Variants in PLCB1 observed in about 807,000 individuals in gnomAD.
PLCB1 encodes the protein 1-phosphatidylinositol 4,5-bisphosphate phosphodiesterase beta-1.
In PLCB1, 46 loss-of-function variants were observed where a neutral mutation model predicts 161.8. The ratio of observed to expected loss-of-function variants is 0.28; its 90% CI spans 0.22 to 0.36. The LOEUF is 0.36. Ranked by LOEUF, PLCB1 falls within the 10% of genes least tolerant of loss-of-function variation. PLCB1 has a pLI of 1.00. For missense variants in PLCB1, 1,016 were observed against 1,472.5 expected (o/e 0.69, Z 5.07); for synonymous variants, 517 against 503.7 (o/e 1.03, Z -0.35).
chr20:8,685,152 G>A (rs1174918212), intron 10 of PLCB1, 74 bp downstream of exon 10: 23 of 1,393,006 alleles, frequency 1.7e-5, no homozygotes, highest in East Asian at 1.4e-4. Context: ...TCTGTTGTTC[G>A]GAAGCTGAAG....
At chr20:8,478,486 A>T (rs1427694178) in intron 3 of PLCB1, among the ~76,000 whole-genome samples, 4 of 152,166 alleles carry the variant, frequency 2.6e-5, no homozygotes, top group Non-Finnish European at 5.9e-5. Context: ...GCTTCAACAA[A>T]AGCAAAATAT....
chr20:8,472,522 T>G (rs867533179), intron 3 of PLCB1, among the ~76,000 whole-genome samples: 1 of 152,104 alleles, frequency 6.6e-6, no homozygotes. Context: ...ATACCATTAC[T>G]TTATAGAACA....
chr20:8,473,906 G>A (rs1982160161), intron 3 of PLCB1, among the ~76,000 whole-genome samples: 1 of 152,148 alleles, frequency 6.6e-6, no homozygotes, highest in Non-Finnish European at 1.5e-5. Flanking sequence ...TGGGAATATG[G>A]TGCATTATCT....
Position 8,729,173 on chromosome 20 carries a change from G to A in PLCB1, c.1887G>A (p.Met629Ile). The change falls in exon 18 of 32, where the codon ATG (methionine) becomes ATA (isoleucine). Residue 629 changes from methionine (M) to isoleucine (I), a missense_variant and splice_region_variant. Transcript: ENST00000338037. ...CQMVALNFQT[M>I]DLAMQINMGM... Reference sequence around the variant, plus strand: ...TGGTGGCACTTAATTTCCAGACAATGGGTAAGTACATGCTTGTTCCCATTC... The same window carrying A: ...TGGTGGCACTTAATTTCCAGACAATAGGTAAGTACATGCTTGTTCCCATTC... 1 of 1,611,340 alleles carries A rather than the reference G, an allele frequency of 6.2e-7. No individual in the cohort carries two copies. Among genetic ancestry groups the A allele is most frequent in the Non-Finnish European group, 8.5e-7 (1 of 1,178,298 alleles).
chr20:8,632,034 GCTTT>G (rs1393679357), intron 4 of PLCB1, among the ~76,000 whole-genome samples: 66 of 81,746 alleles, frequency 8.1e-4, no homozygotes, highest in African/African-American at 1.3e-3. Context: ...GGTTTTTTTT[GCTTT>G]TTTTTTTTTT....
rs1466798040 is a variant in PLCB1 at position 8,717,860 on chromosome 20, G to T, written c.1513+12G>T. ...ATCCCCAGGAGCCGGTGAGGGGCTG[G>T]TGGGCTCTCCCCGTCATGTTTTGTG... On this transcript the variant is annotated intron_variant, in intron 14 of 31. Transcript: ENST00000338037. 2 of 1,600,204 alleles carry T rather than the reference G, an allele frequency of 1.2e-6. No individual in the cohort carries two copies. Among genetic ancestry groups the T allele is most frequent in the African/African-American group, 2.7e-5 (2 of 73,912 alleles).
intron 2 of PLCB1, among the ~76,000 whole-genome samples, chr20:8,368,442 A>G (rs1345279828): frequency 6.7e-6 from 1 of 148,700 alleles, no homozygotes; most frequent in African/African-American, 2.5e-5. Context: ...CACGAGAATC[A>G]CTTGAACCCG....
At chr20:8,557,511 G>A (rs756753511) in intron 3 of PLCB1, among the ~76,000 whole-genome samples, 174 of 152,114 alleles carry the variant, frequency 1.1e-3, no homozygotes, top group Non-Finnish European at 2.2e-3. Flanking sequence ...TATAGAGGCA[G>A]AGTGGCAGTT....
chr20:8,263,727 G>A (rs1032148998), intron 2 of PLCB1, among the ~76,000 whole-genome samples: 22 of 152,222 alleles, frequency 1.4e-4, no homozygotes, highest in Non-Finnish European at 1.3e-4. Context: ...GTATCTAAAT[G>A]TATGTAAACA....
chr20:8,433,393 G>A lies in PLCB1; in HGVS notation c.246+61943G>A, dbSNP rs1251862281. 2.0e-5 allele frequency among the ~76,000 whole-genome samples: 3 copies of A among 148,650 alleles called. 1 individual carries two copies. The highest frequency in any genetic ancestry group is 4.5e-5 in the Non-Finnish European group (3 of 67,056). On this transcript the variant is annotated intron_variant, in intron 3 of 31. Coordinates refer to ENST00000338037, the MANE Select transcript of PLCB1 (RefSeq NM_015192.4). ...GAGGGCTTAAGTTTGGGGAGAGTGG[G>A]CTTCTTTTGATTTGCAATGTGGAAG...
chr20:8,452,178 C>T (rs1307176028), intron 3 of PLCB1, among the ~76,000 whole-genome samples: 2 of 152,178 alleles, frequency 1.3e-5, no homozygotes, highest in East Asian at 3.8e-4. Context: ...ATTCTCTGTT[C>T]CAATGCCTCT....
At chr20:8,780,579 T>C (rs1195455447) in intron 27 of PLCB1, among the ~76,000 whole-genome samples, 1 of 152,190 alleles carries the variant, frequency 6.6e-6, no homozygotes, top group Non-Finnish European at 1.5e-5. Flanking sequence ...AATCCTCATG[T>C]CTGTCCCACC....
At chr20:8,229,259 C>T (rs1205071696) in intron 2 of PLCB1, among the ~76,000 whole-genome samples, 3 of 151,588 alleles carry the variant, frequency 2.0e-5, no homozygotes, top group Admixed American at 6.6e-5. Context: ...CCCAGGCATG[C>T]AAAATATTAA....
chr20:8,551,901 T>C (rs976223379), intron 3 of PLCB1, among the ~76,000 whole-genome samples: 6 of 152,178 alleles, frequency 3.9e-5, no homozygotes, highest in African/African-American at 1.4e-4. Context: ...TGTAAAAGGG[T>C]CTGCTTCAAG....
chr20:8,335,086 G>A (rs1985523270), intron 2 of PLCB1, among the ~76,000 whole-genome samples: 1 of 152,180 alleles, frequency 6.6e-6, no homozygotes. Context: ...TATTGCCTGG[G>A]GAGTGTTTGC....
chr20:8,494,649 C>T (rs909591704), intron 3 of PLCB1, among the ~76,000 whole-genome samples: 8 of 152,046 alleles, frequency 5.3e-5, no homozygotes, highest in African/African-American at 1.9e-4. Flanking sequence ...TTGCTTTGTC[C>T]ATTTTCTGTG....
At chr20:8,389,804 T>G (rs1987536645) in intron 3 of PLCB1, among the ~76,000 whole-genome samples, 1 of 152,192 alleles carries the variant, frequency 6.6e-6, no homozygotes, top group South Asian at 2.1e-4. Flanking sequence ...TTTAAAATCC[T>G]GATGTGCAGG....
chr20:8,435,708 C>A (rs894887344), intron 3 of PLCB1, among the ~76,000 whole-genome samples: 18 of 152,164 alleles, frequency 1.2e-4, no homozygotes, highest in African/African-American at 4.3e-4. Flanking sequence ...AGCCTCCAGA[C>A]TTTAACCCAA....
At chr20:8,480,581 G>A (rs1242692914) in intron 3 of PLCB1, among the ~76,000 whole-genome samples, 1 of 152,162 alleles carries the variant, frequency 6.6e-6, no homozygotes, top group Non-Finnish European at 1.5e-5. Context: ...CTCTGTAACT[G>A]TTGATGATTG....
Sources: allele counts gnomAD v4.1 joint callset (sites outside exome capture counted in the v4.1 genomes callset), GRCh38; gene constraint gnomAD v4.1.1; transcripts MANE v1.5; gene names NCBI Gene and HGNC (gene_info 2026-07-23, HGNC 2026-07-21).